LARP4: variants seen among roughly 807,000 people sequenced by gnomAD.
LARP4 encodes the protein la-related protein 4.
A neutral mutation model predicts 92.9 loss-of-function variants in LARP4; 29 were observed. The ratio of observed to expected loss-of-function variants is 0.31; its 90% CI spans 0.23 to 0.43. The LOEUF (loss-of-function observed/expected upper bound fraction) is 0.43. Among genes scored for constraint, LARP4 ranks in the 20% least tolerant of loss-of-function variants. The pLI, the probability that LARP4 is intolerant of heterozygous loss-of-function variation, is 1.00. For missense variants in LARP4, 732 were observed against 860.0 expected (o/e 0.85, Z 1.86); for synonymous variants, 279 against 284.1 (o/e 0.98, Z 0.18).
chr12:50,468,953 G>T (rs1956544160), intron 13 of LARP4, among the ~76,000 whole-genome samples: 1 of 150,570 alleles, frequency 6.6e-6, no homozygotes, highest in Non-Finnish European at 1.5e-5. Flanking sequence ...TATGTTCCTG[G>T]GCCTTCTCTT....
chr12:50,471,562 C>T (rs971857064), intron 13 of LARP4, among the ~76,000 whole-genome samples: 7 of 152,136 alleles, frequency 4.6e-5, no homozygotes, highest in Non-Finnish European at 8.8e-5. Flanking sequence ...GTCGCTCTGT[C>T]GCGCAGGCTG....
intron 15 of LARP4, 73 bp downstream of exon 15, chr12:50,474,240 C>A: frequency 8.5e-7 from 1 of 1,177,314 alleles, no homozygotes; most frequent in Non-Finnish European, 1.2e-6. Flanking sequence ...TCACGTAACA[C>A]TTTGTTAGAA....
chr12:50,408,522 A>T (rs1464109440), intron 1 of LARP4, among the ~76,000 whole-genome samples: 1 of 151,766 alleles, frequency 6.6e-6, no homozygotes, highest in South Asian at 2.1e-4. Context: ...GTCAGGGTAG[A>T]AAAGTCTGCA....
chr12:50,423,332 A>C (rs1000074919), intron 1 of LARP4, among the ~76,000 whole-genome samples: 3 of 152,106 alleles, frequency 2.0e-5, no homozygotes, highest in Non-Finnish European at 4.4e-5. Flanking sequence ...TTTACATTTA[A>C]CTTCACTTAC....
At position 50,458,638 on chromosome 12, in the gene LARP4, T is replaced by C. The variant is rs182138491; in HGVS notation, c.1122-2497T>C. The stretch of plus-strand genomic sequence containing the variant: ...AATAGATTACAAAAACTGAGATATA[T>C]AAACTGCAAATAATGGGCCAAACAT... On this transcript the variant is annotated intron_variant, in intron 10 of 15. Transcript: ENST00000398473. Among the ~76,000 whole-genome samples, 79 of 152,364 alleles carry C rather than the reference T, an allele frequency of 5.2e-4. 1 individual carries two copies. The highest frequency in any genetic ancestry group is 2.0e-3 in the Admixed American group (30 of 15,300).
intron 1 of LARP4, among the ~76,000 whole-genome samples, chr12:50,423,971 A>G (rs1948311725): frequency 1.3e-5 from 2 of 152,062 alleles, no homozygotes; most frequent in South Asian, 2.1e-4. Flanking sequence ...GGCCAGGCTC[A>G]TCTTGAACTC....
At chr12:50,443,057 TG>T (rs1229194385) in intron 8 of LARP4, among the ~76,000 whole-genome samples, 2 of 152,210 alleles carry the variant, frequency 1.3e-5, no homozygotes, top group Non-Finnish European at 2.9e-5. Context: ...ATTTCAGAAG[TG>T]GGTCTTTGGT....
chr12:50,415,518 A>G (rs753995807), intron 1 of LARP4, among the ~76,000 whole-genome samples: 73 of 152,270 alleles, frequency 4.8e-4, no homozygotes, highest in Non-Finnish European at 9.3e-4. Context: ...AATTAATTAT[A>G]TATGACATAC....
rs1406794763 is a variant in LARP4, at chr12:50,467,157, C to T, written c.1545+37C>T. On this transcript the variant is annotated intron_variant, in intron 13 of 15. Transcript: ENST00000398473. Reference sequence around the variant, plus strand: ...GCATCTGAGTCTTACCTTATGAGACCATATTTAGGCTTTATTTGCAGTGTT... The same window carrying T: ...GCATCTGAGTCTTACCTTATGAGACTATATTTAGGCTTTATTTGCAGTGTT... The T allele has an allele frequency of 3.3e-6, 5 of 1,498,148 alleles. No homozygotes were observed. The Admixed American group carries it at 7.3e-5, about 22-fold the overall frequency. 92.8% of individuals were successfully genotyped at this position (1,498,148 alleles called of 1,614,324 possible).
chr12:50,452,679 G>T (rs1418422442), intron 8 of LARP4, among the ~76,000 whole-genome samples: 1 of 152,058 alleles, frequency 6.6e-6, no homozygotes, highest in Non-Finnish European at 1.5e-5. Flanking sequence ...GATGATTAGT[G>T]ATTTTGAGCA....
chr12:50,430,692 C>CAAGAA, intron 4 of LARP4, 122 bp downstream of exon 4: 1 of 567,086 alleles, frequency 1.8e-6, no homozygotes, highest in Non-Finnish European at 3.0e-6. Context: ...GACAGAGTCT[C>CAAGAA]ATGTTGTCGC....
rs2139293118 is a variant in LARP4, at chr12:50,479,111, A to G, written c.*3247A>G. 1 of 152,768 alleles carries G rather than the reference A, an allele frequency of 6.5e-6. No homozygotes were observed. Among genetic ancestry groups the G allele is most frequent in the South Asian group, 2.1e-4 (1 of 4,832 alleles). The allele number at this position is 152,768 out of a possible 1,614,324, so 9.5% of individuals were successfully genotyped here. Reference sequence around the variant, plus strand: ...AAAGAATGTTGCTGGAACGTAAAATAGTATTTAAAAGTTAATGAACACTTC... The same window carrying G: ...AAAGAATGTTGCTGGAACGTAAAATGGTATTTAAAAGTTAATGAACACTTC... On this transcript the variant is annotated 3_prime_UTR_variant, in exon 16 of 16. Coordinates refer to ENST00000398473, the MANE Select transcript of LARP4 (RefSeq NM_052879.5).
At chr12:50,436,370 C>T (rs905637010) in intron 5 of LARP4, among the ~76,000 whole-genome samples, 1 of 152,016 alleles carries the variant, frequency 6.6e-6, no homozygotes, top group Non-Finnish European at 1.5e-5. Context: ...ATCATGCCCA[C>T]TTAAGAAGTA....
chr12:50,454,499 G>A, intron 10 of LARP4, 82 bp downstream of exon 10: 7 of 1,034,882 alleles, frequency 6.8e-6, no homozygotes, highest in Non-Finnish European at 8.6e-6. Context: ...TTTGTTGTCA[G>A]GCTCAGTAAT....
At chr12:50,440,906 C>T (rs1377044994) in intron 7 of LARP4, among the ~76,000 whole-genome samples, 4 of 147,698 alleles carry the variant, frequency 2.7e-5, no homozygotes, top group East Asian at 2.0e-4. Flanking sequence ...TTTTTTGAGA[C>T]GGAGTCTCAC....
intron 8 of LARP4, among the ~76,000 whole-genome samples, chr12:50,452,827 G>A (rs1953477884): frequency 1.3e-5 from 2 of 152,062 alleles, no homozygotes; most frequent in Non-Finnish European, 2.9e-5. Context: ...TTTACAATTC[G>A]TGTATTAGAG....
intron 6 of LARP4, among the ~76,000 whole-genome samples, chr12:50,439,218 C>T (rs1441779628): frequency 2.0e-5 from 3 of 151,982 alleles, no homozygotes; most frequent in Non-Finnish European, 2.9e-5. Flanking sequence ...GGATTACAGG[C>T]GTGAGCCACT....
At chr12:50,454,244 G>GGTTC in intron 9 of LARP4, 70 bp from the exon 10 acceptor site, 1 of 1,107,368 alleles carries the variant, frequency 9.0e-7, no homozygotes, top group Non-Finnish European at 1.3e-6. Flanking sequence ...AGCTCATTAA[G>GGTTC]GTTCTTGTGA....
intron 4 of LARP4, among the ~76,000 whole-genome samples, chr12:50,432,642 C>G (rs934784739): frequency 6.6e-6 from 1 of 152,038 alleles, no homozygotes; most frequent in Non-Finnish European, 1.5e-5. Context: ...GGCGGATCAC[C>G]TGAGGTGAGG....
Sources: gnomAD v4.1 joint callset for allele counts (sites outside exome capture counted in the v4.1 genomes callset) on GRCh38, gnomAD v4.1.1 for gene constraint, MANE v1.5 for transcripts, NCBI Gene and HGNC (gene_info 2026-07-23, HGNC 2026-07-21) for gene names.